LIMCH1: variants seen among roughly 807,000 people sequenced by gnomAD.
LIMCH1 encodes LIM and calponin homology domains 1.
A neutral mutation model predicts 176.5 loss-of-function variants in LIMCH1; 113 were observed. That is an observed-to-expected ratio of 0.64 (90% CI 0.55 to 0.75). LIMCH1 has a LOEUF of 0.75. Ranked by LOEUF, LIMCH1 falls within the 30% of genes least tolerant of loss-of-function variation. LIMCH1 has a pLI of 0.00. For missense variants in LIMCH1, 1,674 were observed against 1,814.9 expected (o/e 0.92, Z 1.41); for synonymous variants, 619 against 645.9 (o/e 0.96, Z 0.63).
At chr4:41,473,810 A>G (rs1329513395) in intron 1 of LIMCH1, among the ~76,000 whole-genome samples, 2 of 152,250 alleles carry the variant, frequency 1.3e-5, no homozygotes, top group African/African-American at 4.8e-5. Flanking sequence ...CATACATCAG[A>G]TAAGGGGCCA....
intron 1 of LIMCH1, among the ~76,000 whole-genome samples, chr4:41,377,035 C>T (rs1337985984): frequency 6.6e-6 from 1 of 152,186 alleles, no homozygotes; most frequent in Admixed American, 6.5e-5. Context: ...GGTATGTAAA[C>T]AAGCACATGA....
In LIMCH1 at chr4:41,511,101, G is replaced by A. The variant is rs375663183; in HGVS notation, c.168-13308G>A. Among the ~76,000 whole-genome samples the A allele has an allele frequency of 1.6e-4, 24 of 152,254 alleles. No individual in the cohort carries two copies. In the East Asian group the frequency reaches 4.1e-3, roughly 26 times the overall value. On this transcript the variant is annotated intron_variant, in intron 2 of 26. Coordinates refer to the LIMCH1 transcript ENST00000313860. ...GACTGGTGGCCTCTTCCCAGAAGAC[G>A]GGGTGTGATTCAAGTTCCTTTGCCT...
At chr4:41,687,652 C>T (rs1173901058) in intron 28 of LIMCH1, among the ~76,000 whole-genome samples, 188 bp from the exon 29 acceptor site, 1 of 151,670 alleles carries the variant, frequency 6.6e-6, no homozygotes, top group Non-Finnish European at 1.5e-5. Context: ...ATGTACAATT[C>T]TTGCTAGACA....
chr4:41,671,592 C>A lies in LIMCH1; in HGVS notation c.3436C>A (p.Pro1146Thr). The change falls in exon 22 of 32, where the codon CCT becomes ACT. Residue 1146 changes from proline to threonine, a missense_variant and splice_region_variant. Physicochemically the swap from Pro to Thr is conservative, Grantham distance 38. Around this residue, in one of 3 missense-constraint regions of LIMCH1, gnomAD observed 1,015 missense variants for 1,102.5 expected, o/e 0.92. Transcript: ENST00000503057. Reference sequence around the variant, plus strand: ...CAGTGAGAAGTCACCTGTTATGACACCTGTAAGTCACTCATTTTAAGGAAT... The same window carrying A: ...CAGTGAGAAGTCACCTGTTATGACAACTGTAAGTCACTCATTTTAAGGAAT... ...PSSEKSPVMT[P>T]FKFWAWDPEE... The A allele has an allele frequency of 1.9e-6, 3 of 1,578,360 alleles. No homozygotes were observed. Among genetic ancestry groups the A allele is most frequent in the Non-Finnish European group, 2.6e-6 (3 of 1,148,298 alleles).
At chr4:41,562,082 G>A (rs1304908849) in intron 1 of LIMCH1, among the ~76,000 whole-genome samples, 1 of 152,098 alleles carries the variant, frequency 6.6e-6, no homozygotes, top group Non-Finnish European at 1.5e-5. Context: ...TTCAGAAGTA[G>A]CCAAGGTACC....
upstream of LIMCH1, among the ~76,000 whole-genome samples, chr4:41,535,395 GTCT>G (rs2077796923): frequency 1.3e-5 from 2 of 152,096 alleles, no homozygotes. Context: ...TAGGTTAGAA[GTCT>G]GAGATCAAGG....
intron 1 of LIMCH1, among the ~76,000 whole-genome samples, chr4:41,554,779 G>A (rs2081014049): frequency 6.6e-6 from 1 of 152,120 alleles, no homozygotes; most frequent in Non-Finnish European, 1.5e-5. Flanking sequence ...GTTTTGTAAA[G>A]GGTCTTTGAA....
chr4:41,595,842 G>A (rs1255682147), intron 1 of LIMCH1, among the ~76,000 whole-genome samples: 1 of 152,016 alleles, frequency 6.6e-6, no homozygotes, highest in African/African-American at 2.4e-5. Context: ...CAGATCACTT[G>A]AGCTCGAGAC....
chr4:41,419,693 TTC>T, intron 1 of LIMCH1, among the ~76,000 whole-genome samples: 1 of 81,582 alleles, frequency 1.2e-5, no homozygotes, highest in East Asian at 3.3e-4. Context: ...CCTTCCTTCC[TTC>T]CTTCCTTCCT....
At chr4:41,391,315 G>C (rs1340660654) in intron 1 of LIMCH1, among the ~76,000 whole-genome samples, 3 of 151,976 alleles carry the variant, frequency 2.0e-5, no homozygotes, top group African/African-American at 7.3e-5. Context: ...TCCAATTGTT[G>C]GCAATTTCAA....
At chr4:41,400,220 G>A (rs2058278145) in intron 1 of LIMCH1, among the ~76,000 whole-genome samples, 1 of 152,072 alleles carries the variant, frequency 6.6e-6, no homozygotes, top group South Asian at 2.1e-4. Flanking sequence ...TAGGGGCATA[G>A]AATCTTAAAA....
intron 1 of LIMCH1, among the ~76,000 whole-genome samples, chr4:41,477,890 C>A (rs1304759911): frequency 6.6e-6 from 1 of 152,102 alleles, no homozygotes. Flanking sequence ...AAAAATATAC[C>A]ATGAAGTAGG....
chr4:41,476,943 A>C (rs2067837555), intron 1 of LIMCH1, among the ~76,000 whole-genome samples: 1 of 152,150 alleles, frequency 6.6e-6, no homozygotes, highest in African/African-American at 2.4e-5. Flanking sequence ...TTGGGGGTTT[A>C]TTTTCTTATT....
At chr4:41,529,487 C>A (rs868512141) in intron 3 of LIMCH1, among the ~76,000 whole-genome samples, 6 of 152,152 alleles carry the variant, frequency 3.9e-5, no homozygotes, top group South Asian at 2.1e-4. Flanking sequence ...GAGGAAAAGA[C>A]AATTTTACGT....
intron 23 of LIMCH1, among the ~76,000 whole-genome samples, chr4:41,676,994 C>T (rs2095239470): frequency 1.3e-5 from 2 of 151,860 alleles, no homozygotes; most frequent in African/African-American, 4.8e-5. Context: ...GAAACCCCGT[C>T]TCTACCAAAA....
intron 22 of LIMCH1, among the ~76,000 whole-genome samples, chr4:41,674,707 G>A (rs1412040595): frequency 6.6e-6 from 1 of 152,176 alleles, no homozygotes; most frequent in Non-Finnish European, 1.5e-5. Context: ...CATTATGTTA[G>A]CCTGCAATTG....
chr4:41,670,107 C>T (rs1402443916), intron 21 of LIMCH1, among the ~76,000 whole-genome samples: 1 of 152,192 alleles, frequency 6.6e-6, no homozygotes, highest in African/African-American at 2.4e-5. Context: ...CTCTCAGCAG[C>T]AGAAAGATAT....
chr4:41,563,547 A>G (rs1345683059), intron 1 of LIMCH1, among the ~76,000 whole-genome samples: 1 of 152,304 alleles, frequency 6.6e-6, no homozygotes, highest in Middle Eastern at 3.4e-3. Context: ...GATAGATGCT[A>G]AAAAGTAGAG....
intron 1 of LIMCH1, among the ~76,000 whole-genome samples, chr4:41,565,318 A>C (rs2082574292): frequency 6.8e-6 from 1 of 146,426 alleles, no homozygotes; most frequent in Admixed American, 6.8e-5. Context: ...CATCTTAGGA[A>C]AGATAGTTAG....
Sources: allele counts gnomAD v4.1 joint callset (sites outside exome capture counted in the v4.1 genomes callset), GRCh38; gene constraint gnomAD v4.1.1; regional missense constraint gnomAD v4.1.1; transcripts MANE v1.5; gene names NCBI Gene and HGNC (gene_info 2026-07-23, HGNC 2026-07-21).